LUZP2: variants seen among roughly 807,000 people sequenced by gnomAD.
LUZP2 encodes leucine zipper protein 2.
In LUZP2, 52 loss-of-function variants were observed where a neutral mutation model predicts 51.6. That is an observed-to-expected ratio of 1.01 (90% confidence interval 0.81 to 1.27). The LOEUF is 1.27. Among genes scored for constraint, LUZP2 ranks in the 50% most tolerant of loss-of-function variants. The pLI is 0.00. For synonymous variants in LUZP2, 154 were observed against 137.3 expected (o/e 1.12, Z -0.85); for missense variants, 436 against 395.4 (o/e 1.10, Z -0.87).
chr11:24,896,458 C>T (rs763372127), intron 5 of LUZP2, among the ~76,000 whole-genome samples: 23 of 152,142 alleles, frequency 1.5e-4, no homozygotes, highest in African/African-American at 2.2e-4. Flanking sequence ...GAGGGGGCGC[C>T]GGGTCCCCAG....
intron 5 of LUZP2, among the ~76,000 whole-genome samples, chr11:24,788,638 G>A (rs1460248698): frequency 1.3e-5 from 2 of 152,072 alleles, no homozygotes; most frequent in African/African-American, 4.8e-5. Flanking sequence ...ATATAAATAT[G>A]TTATAATATT....
At chr11:24,956,275 A>T (rs1855206932) in intron 7 of LUZP2, among the ~76,000 whole-genome samples, 1 of 151,964 alleles carries the variant, frequency 6.6e-6, no homozygotes, top group African/African-American at 2.4e-5. Flanking sequence ...GCAGGCAGCC[A>T]CTGTAAGCTG....
chr11:24,780,266 A>G (rs573937724), intron 5 of LUZP2, among the ~76,000 whole-genome samples: 1 of 152,172 alleles, frequency 6.6e-6, no homozygotes, highest in South Asian at 2.1e-4. Context: ...TTCCCCTTTG[A>G]CCATTGGATA....
intron 5 of LUZP2, among the ~76,000 whole-genome samples, chr11:24,807,465 GA>G (rs56048182): frequency 7.9e-5 from 11 of 139,534 alleles, no homozygotes; most frequent in African/African-American, 2.7e-4. Flanking sequence ...CATCTCAAAA[GA>G]AAAAAAAAAA....
chr11:24,848,186 G>A (rs939073550), intron 5 of LUZP2, among the ~76,000 whole-genome samples: 5 of 149,674 alleles, frequency 3.3e-5, no homozygotes, highest in African/African-American at 1.3e-4. Context: ...TACTGCTACA[G>A]TTATATACCA....
At chr11:24,790,597 G>A (rs183389989) in intron 5 of LUZP2, among the ~76,000 whole-genome samples, 8 of 152,166 alleles carry the variant, frequency 5.3e-5, no homozygotes, top group Non-Finnish European at 1.5e-5. Context: ...TGCCTCGGGG[G>A]TTCAAGCGAT....
intron 7 of LUZP2, among the ~76,000 whole-genome samples, chr11:24,940,741 T>C (rs529066276): frequency 3.6e-4 from 55 of 152,288 alleles, no homozygotes; most frequent in African/African-American, 1.3e-3. Flanking sequence ...ACCAATTCTT[T>C]TGGGTTCTAA....
chr11:24,696,725 GTTTT>G (rs953648306), intron 1 of LUZP2, among the ~76,000 whole-genome samples: 7 of 151,956 alleles, frequency 4.6e-5, no homozygotes, highest in Non-Finnish European at 5.9e-5. Context: ...GGTTTGATAG[GTTTT>G]TTGAACAATC....
At chr11:24,635,711 AAAG>A (rs1855076037) in intron 1 of LUZP2, among the ~76,000 whole-genome samples, 1 of 152,154 alleles carries the variant, frequency 6.6e-6, no homozygotes, top group Non-Finnish European at 1.5e-5. Flanking sequence ...TTTGGAGAGA[AAAG>A]AAGCTGTCAG....
chr11:24,976,823 T>C (rs116125029), intron 8 of LUZP2, among the ~76,000 whole-genome samples, 158 bp downstream of exon 8: 1,589 of 151,866 alleles, frequency 0.01, 34 homozygotes, highest in African/African-American at 0.036. Context: ...AGGTTTGATA[T>C]CTTCTTTGGA....
At chr11:24,500,776 C>T (rs960847338) in intron 1 of LUZP2, among the ~76,000 whole-genome samples, 2 of 152,078 alleles carry the variant, frequency 1.3e-5, no homozygotes, top group African/African-American at 4.8e-5. Context: ...AGCAGATGGT[C>T]GGTTATAGTC....
At chr11:24,797,367 C>G (rs1590545807) in intron 5 of LUZP2, among the ~76,000 whole-genome samples, 1 of 152,232 alleles carries the variant, frequency 6.6e-6, no homozygotes, top group African/African-American at 2.4e-5. Flanking sequence ...AAGGCAATAA[C>G]CTTTTCTTGA....
intron 5 of LUZP2, among the ~76,000 whole-genome samples, chr11:24,889,921 A>G (rs1038905686): frequency 1.3e-5 from 2 of 152,164 alleles, no homozygotes; most frequent in African/African-American, 4.8e-5. Flanking sequence ...ATCCAGGTGC[A>G]TTGTACAAGT....
chr11:25,024,562 A>G (rs1298278543), intron 9 of LUZP2, among the ~76,000 whole-genome samples: 1 of 152,160 alleles, frequency 6.6e-6, no homozygotes, highest in African/African-American at 2.4e-5. Context: ...TTCAAAGAGG[A>G]TAAAATACCT....
chr11:24,908,946 A>G (rs1853545178), intron 6 of LUZP2, among the ~76,000 whole-genome samples: 1 of 151,408 alleles, frequency 6.6e-6, no homozygotes, highest in Admixed American at 6.6e-5. Context: ...TATTTTTAGT[A>G]GAGACAGGGT....
chr11:24,686,494 G>A (rs778021631), intron 1 of LUZP2, among the ~76,000 whole-genome samples: 64 of 152,116 alleles, frequency 4.2e-4, no homozygotes, highest in Non-Finnish European at 7.9e-4. Flanking sequence ...AAACATCCCA[G>A]CAAATGCATC....
intron 4 of LUZP2, 23 bp downstream of exon 4, chr11:24,738,325 C>G (rs1379010647): frequency 1.3e-6 from 2 of 1,569,930 alleles, no homozygotes; most frequent in Admixed American, 3.4e-5. Flanking sequence ...CTTCTTTGTG[C>G]CTTTTGCTTT....
At chr11:24,687,195 A>T (rs925270574) in intron 1 of LUZP2, among the ~76,000 whole-genome samples, 21 of 152,300 alleles carry the variant, frequency 1.4e-4, no homozygotes, top group African/African-American at 4.6e-4. Context: ...TTATGTATAA[A>T]ATGACATATG....
At chr11:24,919,379 A>G (rs934245720) in intron 7 of LUZP2, among the ~76,000 whole-genome samples, 3 of 35,388 alleles carry the variant, frequency 8.5e-5, no homozygotes, top group African/African-American at 3.9e-4. Flanking sequence ...TATATATGAC[A>G]TATATTGATA....
Sources: allele counts gnomAD v4.1 joint callset (sites outside exome capture counted in the v4.1 genomes callset), GRCh38; gene constraint gnomAD v4.1.1; transcripts MANE v1.5; gene names NCBI Gene and HGNC (gene_info 2026-07-23, HGNC 2026-07-21).